TLE6: variants seen among roughly 807,000 people sequenced by gnomAD.
The protein encoded by TLE6 is TLE family member 6, subcortical maternal complex member.
In TLE6, 72 loss-of-function variants were observed where a neutral mutation model predicts 77.1. That is an observed-to-expected ratio of 0.93 (90% CI 0.77 to 1.14). TLE6 has a LOEUF of 1.14. Ranked by LOEUF, TLE6 falls within the 50% of genes most tolerant of loss-of-function variation. TLE6 has a pLI of 0.00. For synonymous variants in TLE6, 366 were observed against 287.3 expected (o/e 1.27, Z -2.77); for missense variants, 843 against 747.6 (o/e 1.13, Z -1.49).
intron 11 of TLE6, chr19:2,988,831 G>A (rs2088975056): frequency 1.6e-6 from 1 of 622,692 alleles, no homozygotes; most frequent in Non-Finnish European, 2.7e-6. Context: ...TCTTCCTCCT[G>A]GGGCAAAGCA....
At chr19:2,991,274 G>A (rs534160198) in intron 13 of TLE6, among the ~76,000 whole-genome samples, 270 of 149,428 alleles carry the variant, frequency 1.8e-3, no homozygotes, top group Non-Finnish European at 2.8e-3. Flanking sequence ...CAGGAGAATC[G>A]CTTGAACCCA....
Position 2,991,568 on chromosome 19 carries a change from C to T in TLE6, c.1245-275C>T, listed in dbSNP as rs1324923228. On this transcript the variant is annotated intron_variant, in intron 13 of 16. Coordinates refer to ENST00000246112, the MANE Select transcript of TLE6 (RefSeq NM_001143986.2). ...CTTGAAGGGATTCCTGTAGACCTGCCTCAGAGCTCGGGTGGACTCAGGGTG... is the reference window on the plus strand; with the variant it reads ...CTTGAAGGGATTCCTGTAGACCTGCTTCAGAGCTCGGGTGGACTCAGGGTG... Among the ~76,000 whole-genome samples, 3 of 151,022 alleles carry T rather than the reference C, an allele frequency of 2.0e-5. No individual in the cohort carries two copies. The Admixed American group carries it at 2.0e-4, about 10-fold the overall frequency.
At chr19:2,994,160 G>A (rs1055976377) in intron 16 of TLE6, 65 bp downstream of exon 16, 1 of 1,378,362 alleles carries the variant, frequency 7.3e-7, no homozygotes, top group Non-Finnish European at 1.0e-6. Context: ...GGGCAACACA[G>A]CAAGACCCTG....
At chr19:2,989,893 C>G (rs1052949552) in intron 13 of TLE6, 108 bp downstream of exon 13, 2 of 1,480,348 alleles carry the variant, frequency 1.4e-6, no homozygotes, top group Middle Eastern at 2.2e-4. Context: ...ACCTCCTGAA[C>G]CTGGGATATA....
At chr19:2,985,582 T>A (rs2088891773) in intron 5 of TLE6, among the ~76,000 whole-genome samples, 1 of 148,448 alleles carries the variant, frequency 6.7e-6, no homozygotes, top group Non-Finnish European at 1.5e-5. Context: ...CTAATTTTTT[T>A]TTTTTTTTTT....
chr19:2,993,972 GA>G, intron 15 of TLE6, 46 bp from the exon 16 acceptor site: 1 of 1,405,470 alleles, frequency 7.1e-7, no homozygotes, highest in Non-Finnish European at 9.9e-7. Flanking sequence ...CTCTGGGAAG[GA>G]AAAAGGTAGT....
Position 2,995,128 on chromosome 19 carries a change from C to G in TLE6, c.*124C>G, listed in dbSNP as rs1819365314. 3.1e-6 allele frequency: 2 copies of G among 641,962 alleles called. No individual in the cohort carries two copies. Among genetic ancestry groups the G allele is most frequent in the Non-Finnish European group, 2.7e-6 (1 of 365,538 alleles). The allele number at this position is 641,962 out of a possible 1,614,324, so 39.8% of individuals were successfully genotyped here. On this transcript the variant is annotated 3_prime_UTR_variant, in exon 17 of 17. Transcript: ENST00000246112. ...CTTCTGTGGCATCGCACGATCTAGT[C>G]TGTGGTGTAGACTGGTCGCCATCAC...
At chr19:2,993,688 C>T (rs2089139161) in intron 15 of TLE6, 106 bp downstream of exon 15, 5 of 1,409,148 alleles carry the variant, frequency 3.5e-6, no homozygotes, top group East Asian at 4.8e-5. Flanking sequence ...CACCTCAGAA[C>T]CCTTCTGTAG....
Position 2,993,479 on chromosome 19 carries a change from C to T in TLE6, c.1434C>T (p.Gly478=), listed in dbSNP as rs765547806. 4 of 1,603,130 alleles carry T rather than the reference C, an allele frequency of 2.5e-6. No individual in the cohort carries two copies. In the South Asian group the frequency reaches 3.3e-5, roughly 13 times the overall value. The change falls in exon 15 of 17, where the codon GGC becomes GGT. Residue 478 remains glycine (G), a synonymous_variant. Transcript: ENST00000246112. ...CCCAGGAGGACTGGGTGCTGCTGGG[C>T]ATGGCCAATGGCCAGCAGTGGCTGC... ...HSPQEDWVLL[G]MANGQQWLQS... is the part of the protein sequence containing the mutation.
At chr19:2,977,511 G>A (rs2088700009), upstream of TLE6, 1 of 152,472 alleles carries the variant, frequency 6.6e-6, no homozygotes, top group Non-Finnish European at 1.5e-5. Context: ...CGGGGACAAG[G>A]CGGGACGAGG....
rs772104297 is a variant in TLE6, at chr19:2,994,903, C to T, written c.1618C>T (p.Pro540Ser). The change falls in exon 17 of 17, where the codon CCT (proline) becomes TCT (serine). Residue 540 changes from proline (P) to serine (S), a missense_variant. Physicochemically the swap from Pro to Ser is moderately conservative, Grantham distance 74. Transcript: ENST00000246112. ...CTGCCCACTGCCCCCCCTCCAGGTG[C>T]CTGAGATGTCTCCAGTCACGTGCTG... ...MPAGTKVFEV[P>S]EMSPVTCCDV... 4 of 1,593,744 alleles carry T rather than the reference C, an allele frequency of 2.5e-6. No individual in the cohort carries two copies. Among genetic ancestry groups the T allele is most frequent in the South Asian group, 1.1e-5 (1 of 88,164 alleles).
intron 11 of TLE6, 73 bp from the exon 12 acceptor site, chr19:2,988,988 C>A (rs980182294): frequency 1.9e-6 from 3 of 1,587,414 alleles, no homozygotes; most frequent in African/African-American, 2.7e-5. Context: ...CCCCTCTAGG[C>A]CTTGATGTGT....
intron 6 of TLE6, 27 bp downstream of exon 6, chr19:2,986,918 G>C: frequency 1.9e-6 from 3 of 1,552,774 alleles, no homozygotes; most frequent in South Asian, 1.2e-5. Context: ...TCAAGGAGGG[G>C]AGGGGACAGG....
At chr19:2,989,003 C>T in intron 11 of TLE6, 58 bp from the exon 12 acceptor site, 1 of 1,595,456 alleles carries the variant, frequency 6.3e-7, no homozygotes. Flanking sequence ...ATGTGTGGCT[C>T]CCACTGGGCA....
intron 3 of TLE6, among the ~76,000 whole-genome samples, chr19:2,980,689 A>G (rs1388938584): frequency 6.7e-6 from 1 of 149,910 alleles, no homozygotes; most frequent in Non-Finnish European, 1.5e-5. Flanking sequence ...GTGAGCCAGG[A>G]TCACACCATT....
In TLE6 at chr19:2,991,832, C is replaced by T. The variant is rs771613789; in HGVS notation, c.1245-11C>T. On this transcript the variant is annotated splice_polypyrimidine_tract_variant and intron_variant, in intron 13 of 16. Transcript: ENST00000246112. ...TTGACCTGATTGCCTCCCGATGTCC[C>T]TTCTGGCCAGGGACCTCAAGGGTTA... 6.8e-6 allele frequency: 11 copies of T among 1,613,260 alleles called. No individual in the cohort carries two copies. The African/African-American group carries it at 1.5e-4, about 22-fold the overall frequency.
At chr19:2,983,021 C>A (rs1044903465) in intron 5 of TLE6, among the ~76,000 whole-genome samples, 2 of 152,100 alleles carry the variant, frequency 1.3e-5, no homozygotes, top group African/African-American at 2.4e-5. Context: ...GTACGCCTTC[C>A]AGCCCTGCCT....
Position 2,979,808 on chromosome 19 carries a change from G to A in TLE6, c.52-292G>A, listed in dbSNP as rs574387816. On this transcript the variant is annotated intron_variant, in intron 2 of 16. Transcript: ENST00000246112. The stretch of plus-strand genomic sequence containing the variant: ...ACAAAAATAAGCCAGGTGTGTTGCC[G>A]GGGGCGGGCGGGGGAGGGGGGCGCG... Among the ~76,000 whole-genome samples, 762 of 150,256 alleles carry A rather than the reference G, an allele frequency of 5.1e-3. 9 individuals are homozygous for A. Among genetic ancestry groups the A allele is most frequent in the African/African-American group, 0.017 (713 of 40,906 alleles).
At chr19:2,993,046 AAAAAAAACAGAAT>A (rs2089118028) in intron 14 of TLE6, among the ~76,000 whole-genome samples, 1 of 150,354 alleles carries the variant, frequency 6.7e-6, no homozygotes, top group Non-Finnish European at 1.5e-5. Flanking sequence ...AAAAAAAAAA[AAAAAAAACAGAAT>A]AATTAGCCAG....
Sources: allele counts gnomAD v4.1 joint callset (sites outside exome capture counted in the v4.1 genomes callset), GRCh38; gene constraint gnomAD v4.1.1; transcripts MANE v1.5; gene names NCBI Gene and HGNC (gene_info 2026-07-23, HGNC 2026-07-21).